XIRP2: variants seen among roughly 807,000 people sequenced by gnomAD.
XIRP2 encodes xin actin binding repeat containing 2.
Under a neutral mutation model 277.0 loss-of-function variants are expected in XIRP2, and 236 were observed. The ratio of observed to expected loss-of-function variants is 0.85; its 90% CI spans 0.77 to 0.95. The LOEUF (loss-of-function observed/expected upper bound fraction) is 0.95. Ranked by LOEUF, XIRP2 falls within the 40% of genes least tolerant of loss-of-function variation. XIRP2 has a pLI of 0.00. For synonymous variants in XIRP2, 1,490 were observed against 1,416.5 expected (o/e 1.05, Z -1.17); for missense variants, 4,640 against 4,157.5 (o/e 1.12, Z -3.19).
chr2:167,254,296 A>G, intron 10 of XIRP2, 131 bp downstream of exon 10: 1 of 1,130,114 alleles, frequency 8.8e-7, no homozygotes, highest in Non-Finnish European at 1.2e-6. Flanking sequence ...ACACAGGGAG[A>G]TTTGCTCATG....
At position 167,250,769 on chromosome 2, in the gene XIRP2, T is replaced by C. The variant is rs752839259; in HGVS notation, c.9377T>C (p.Ile3126Thr). ...TRPPSPTFITIESTARRTENP... is the reference protein window; with the variant it reads ...TRPPSPTFITTESTARRTENP... ...CCACCGTCACCAACTTTTATCACAA[T>C]AGAATCTACTGCCCGACGAACAGAA... is the stretch of plus-strand genomic sequence containing the variant. The change falls in exon 9 of 11, where the codon ATA (isoleucine) becomes ACA (threonine). Residue 3126 changes from isoleucine (I) to threonine (T), a missense_variant. Physicochemically the swap from Ile to Thr is moderately conservative, Grantham distance 89. Transcript: ENST00000409195. 2.0e-5 allele frequency: 32 copies of C among 1,613,248 alleles called. No homozygotes were observed. Among genetic ancestry groups the C allele is most frequent in the Non-Finnish European group, 2.5e-5 (30 of 1,179,674 alleles).
At chr2:167,023,703 T>C (rs1688055709) in intron 2 of XIRP2, among the ~76,000 whole-genome samples, 1 of 152,198 alleles carries the variant, frequency 6.6e-6, no homozygotes, top group African/African-American at 2.4e-5. Context: ...CACCATTTAT[T>C]AAATAGGGAA....
intron 2 of XIRP2, among the ~76,000 whole-genome samples, chr2:166,923,465 T>A (rs1033352437): frequency 6.6e-6 from 1 of 152,150 alleles, no homozygotes; most frequent in Admixed American, 6.6e-5. Context: ...CCTCCTAGTA[T>A]GAAATGATAC....
chr2:166,970,566 GAA>G (rs1373301487), intron 2 of XIRP2, among the ~76,000 whole-genome samples: 1 of 151,774 alleles, frequency 6.6e-6, no homozygotes, highest in African/African-American at 2.4e-5. Context: ...ATAATATCAT[GAA>G]CTATTCTCAT....
chr2:167,094,732 G>A (rs1358820477), intron 2 of XIRP2, among the ~76,000 whole-genome samples: 1 of 152,142 alleles, frequency 6.6e-6, no homozygotes, highest in Non-Finnish European at 1.5e-5. Context: ...TTGTAGTATA[G>A]TTTGAAGTCA....
At chr2:167,035,174 T>C (rs1688476759) in intron 2 of XIRP2, among the ~76,000 whole-genome samples, 1 of 152,112 alleles carries the variant, frequency 6.6e-6, no homozygotes, top group South Asian at 2.1e-4. Context: ...ATTAATACAG[T>C]AAATTGGTAC....
Position 167,251,835 on chromosome 2 carries a change from A to G in XIRP2, c.10443A>G (p.Gln3481=). The G allele has an allele frequency of 6.2e-7, 1 of 1,613,370 alleles. No homozygotes were observed. Among genetic ancestry groups the G allele is most frequent in the Non-Finnish European group, 8.5e-7 (1 of 1,179,570 alleles). Residue 3481 remains glutamine, a synonymous_variant, in exon 9 of 11, where the codon CAA becomes CAG. Coordinates refer to ENST00000409195, the MANE Select transcript of XIRP2 (RefSeq NM_152381.6). Reference sequence around the variant, plus strand: ...CTAAAGAAGTAAGAAAAAATTTTCAAAAGACGTGGCAAGAGAGTGGAAGAG... The same window carrying G: ...CTAAAGAAGTAAGAAAAAATTTTCAGAAGACGTGGCAAGAGAGTGGAAGAG... ...DSPKEVRKNF[Q]KTWQESGRVF... is the part of the protein sequence containing the mutation.
chr2:167,151,299 T>G (rs16853066), intron 3 of XIRP2, among the ~76,000 whole-genome samples: 15,126 of 152,126 alleles, frequency 0.099, 817 homozygotes, highest in South Asian at 0.16. Context: ...TATTAATTAA[T>G]GGGCTGAATT....
intron 3 of XIRP2, among the ~76,000 whole-genome samples, chr2:167,172,196 A>T (rs1428792472): frequency 6.6e-5 from 10 of 152,180 alleles, no homozygotes; most frequent in Non-Finnish European, 1.5e-4. Flanking sequence ...ATGCTCCCCA[A>T]GCCGCAAAAC....
At chr2:167,083,293 A>T (rs1689804364) in intron 2 of XIRP2, among the ~76,000 whole-genome samples, 1 of 152,126 alleles carries the variant, frequency 6.6e-6, no homozygotes, top group Admixed American at 6.5e-5. Flanking sequence ...GTTCTGTTCC[A>T]TTGATCTATA....
intron 2 of XIRP2, among the ~76,000 whole-genome samples, chr2:167,053,484 T>A (rs548082151): frequency 6.6e-6 from 1 of 152,148 alleles, no homozygotes; most frequent in Non-Finnish European, 1.5e-5. Flanking sequence ...TTTATTAATC[T>A]CTGTATGTCA....
chr2:167,239,247 T>G (rs1694986326), intron 5 of XIRP2, among the ~76,000 whole-genome samples: 2 of 152,182 alleles, frequency 1.3e-5, no homozygotes, highest in Admixed American at 6.5e-5. Context: ...AATACATCAT[T>G]AACATTTTTG....
At chr2:166,963,211 T>G (rs550458433) in intron 2 of XIRP2, among the ~76,000 whole-genome samples, 1 of 151,810 alleles carries the variant, frequency 6.6e-6, no homozygotes, top group East Asian at 1.9e-4. Context: ...CAATAAAATT[T>G]GTTGAGTAAT....
chr2:167,041,616 C>CA (rs1688661998), intron 2 of XIRP2, among the ~76,000 whole-genome samples: 1 of 151,602 alleles, frequency 6.6e-6, no homozygotes, highest in South Asian at 2.1e-4. Flanking sequence ...CTCAGTCAGA[C>CA]AAAAATAAAG....
chr2:166,940,823 G>T (rs552233363), intron 2 of XIRP2, among the ~76,000 whole-genome samples: 3 of 150,746 alleles, frequency 2.0e-5, no homozygotes, highest in South Asian at 2.1e-4. Context: ...TCTCAGAGGG[G>T]TACCTGGCCA....
intron 2 of XIRP2, among the ~76,000 whole-genome samples, chr2:167,057,393 A>G (rs534112551): frequency 6.6e-6 from 1 of 152,314 alleles, no homozygotes; most frequent in South Asian, 2.1e-4. Context: ...GAAGTATAAA[A>G]AAGTGGAACC....
At chr2:167,088,204 G>T (rs1690021988) in intron 2 of XIRP2, among the ~76,000 whole-genome samples, 1 of 152,090 alleles carries the variant, frequency 6.6e-6, no homozygotes, top group African/African-American at 2.4e-5. Flanking sequence ...TTGGTCTGCA[G>T]CATTTTATGT....
In XIRP2 at chr2:166,961,978, TTG is replaced by T. The variant is rs1381547157; in HGVS notation, c.408+58092_408+58093del. ...AGGAAAATTCAGTAAAATAGAAGAA[TTG>T]TGTTATGTACCTGAATGAAGATCGG... On this transcript the variant is annotated intron_variant, in intron 2 of 10. Transcript: ENST00000409195. Among the ~76,000 whole-genome samples, 3 of 151,774 alleles carry T rather than the reference TTG, an allele frequency of 2.0e-5. No individual in the cohort carries two copies. The East Asian group carries it at 5.9e-4, about 30-fold the overall frequency.
At chr2:167,168,685 G>C (rs1275701154) in intron 3 of XIRP2, among the ~76,000 whole-genome samples, 1 of 152,166 alleles carries the variant, frequency 6.6e-6, no homozygotes, top group African/African-American at 2.4e-5. Flanking sequence ...CATGATCTCT[G>C]CTCACTGCAA....
Sources: allele counts gnomAD v4.1 joint callset (sites outside exome capture counted in the v4.1 genomes callset), GRCh38; gene constraint gnomAD v4.1.1; transcripts MANE v1.5; gene names NCBI Gene and HGNC (gene_info 2026-07-23, HGNC 2026-07-21).